The following ABTB3 variants were observed in gnomAD, a reference collection of about 807,000 sequenced individuals.
ABTB3 encodes ankyrin repeat- and BTB/POZ domain-containing protein 3.
At chr12:107,547,049 C>T in the ABTB3 span, among the ~76,000 whole-genome samples, 1 of 152,066 alleles carries the variant, frequency 6.6e-6, no homozygotes, top group Non-Finnish European at 1.5e-5. Flanking sequence ...CAAAAATTAG[C>T]TGGGTGTGGT....
At chr12:107,323,464 C>G in the ABTB3 span, among the ~76,000 whole-genome samples, 1 of 152,212 alleles carries the variant, frequency 6.6e-6, no homozygotes, top group African/African-American at 2.4e-5. Flanking sequence ...CATGGGTTTG[C>G]TGTGGGCATG....
the ABTB3 span, among the ~76,000 whole-genome samples, chr12:107,607,371 G>T: frequency 2.0e-5 from 3 of 152,320 alleles, no homozygotes; most frequent in East Asian, 5.8e-4. Context: ...GCCATAGACT[G>T]AAGTCAGGCT....
At chr12:107,588,424 G>A in the ABTB3 span, among the ~76,000 whole-genome samples, 1 of 152,220 alleles carries the variant, frequency 6.6e-6, no homozygotes. Flanking sequence ...GAAGTTTCTA[G>A]CATGGGAGAG....
chr12:107,634,462 GTAACC>G, the ABTB3 span, among the ~76,000 whole-genome samples: 6 of 152,126 alleles, frequency 3.9e-5, no homozygotes, highest in African/African-American at 1.2e-4. Flanking sequence ...AAACTGTGTT[GTAACC>G]TACTTTTCTT....
chr12:107,451,792 C>G, the ABTB3 span, among the ~76,000 whole-genome samples: 1 of 152,122 alleles, frequency 6.6e-6, no homozygotes, highest in Non-Finnish European at 1.5e-5. Flanking sequence ...TCCCGTTTGC[C>G]CTTTGAGACA....
the ABTB3 span, among the ~76,000 whole-genome samples, chr12:107,500,474 GAT>G: frequency 6.6e-6 from 1 of 152,180 alleles, no homozygotes; most frequent in Admixed American, 6.5e-5. Context: ...TGCTGGTCAT[GAT>G]TAGTGCAGCG....
the ABTB3 span, among the ~76,000 whole-genome samples, chr12:107,560,995 G>A: frequency 3.9e-5 from 6 of 152,290 alleles, no homozygotes; most frequent in Admixed American, 6.5e-5. Flanking sequence ...TGAGGAATTC[G>A]GTCAAGAGTT....
the ABTB3 span, among the ~76,000 whole-genome samples, chr12:107,563,036 G>A: frequency 1.3e-5 from 2 of 152,158 alleles, no homozygotes; most frequent in Admixed American, 6.5e-5. Flanking sequence ...AAGTCTTTGA[G>A]GGTCACTGGG....
chr12:107,470,607 T>C, the ABTB3 span, among the ~76,000 whole-genome samples: 1 of 152,162 alleles, frequency 6.6e-6, no homozygotes, highest in South Asian at 2.1e-4. Context: ...TGCTCCCAAC[T>C]TGTCACTCGG....
At chr12:107,552,027 C>T in the ABTB3 span, among the ~76,000 whole-genome samples, 2 of 152,224 alleles carry the variant, frequency 1.3e-5, no homozygotes, top group Non-Finnish European at 2.9e-5. Flanking sequence ...GCTGGGATTA[C>T]AGGCGTGAGC....
the ABTB3 span, among the ~76,000 whole-genome samples, chr12:107,549,309 T>C: frequency 6.6e-6 from 1 of 152,276 alleles, no homozygotes; most frequent in Admixed American, 6.5e-5. Context: ...ATACTCACTC[T>C]ACCAAAAGCT....
At chr12:107,354,057 G>A in the ABTB3 span, among the ~76,000 whole-genome samples, 175 of 152,172 alleles carry the variant, frequency 1.2e-3, no homozygotes, top group African/African-American at 4.0e-3. Flanking sequence ...GTACAGTTCT[G>A]AGTTTTGACA....
the ABTB3 span, among the ~76,000 whole-genome samples, chr12:107,343,818 C>A: frequency 3.3e-5 from 5 of 152,024 alleles, no homozygotes; most frequent in Admixed American, 3.3e-4. Flanking sequence ...GAAGTGTGAG[C>A]GCAGGAAAAA....
the ABTB3 span, among the ~76,000 whole-genome samples, chr12:107,432,329 T>C: frequency 1.3e-5 from 2 of 152,206 alleles, no homozygotes; most frequent in African/African-American, 4.8e-5. Flanking sequence ...TGATTTTGTG[T>C]AAAGACACTG....
At chr12:107,604,886 T>C in the ABTB3 span, among the ~76,000 whole-genome samples, 1 of 152,008 alleles carries the variant, frequency 6.6e-6, no homozygotes, top group African/African-American at 2.4e-5. Context: ...GATGAATGGA[T>C]AAAGAAAATG....
the ABTB3 span, among the ~76,000 whole-genome samples, chr12:107,329,460 G>A: frequency 2.0e-5 from 3 of 152,224 alleles, no homozygotes; most frequent in Non-Finnish European, 4.4e-5. Flanking sequence ...CACATCATAA[G>A]TACTCAATAT....
chr12:107,495,701 G>T, the ABTB3 span, among the ~76,000 whole-genome samples: 8 of 152,112 alleles, frequency 5.3e-5, no homozygotes, highest in African/African-American at 9.7e-5. Context: ...TGCCTCTTGG[G>T]GTATGGTGAG....
chr12:107,582,948 T>A, the ABTB3 span, among the ~76,000 whole-genome samples: 1 of 152,338 alleles, frequency 6.6e-6, no homozygotes, highest in South Asian at 2.1e-4. Context: ...TAATGCTAAC[T>A]GACAAAGCAT....
chr12:107,507,018 A>G, the ABTB3 span, among the ~76,000 whole-genome samples: 1 of 152,196 alleles, frequency 6.6e-6, no homozygotes, highest in African/African-American at 2.4e-5. Flanking sequence ...TGTGATTCAT[A>G]TTTTGAAAAT....
Sources: allele counts gnomAD v4.1 joint callset (sites outside exome capture counted in the v4.1 genomes callset), GRCh38; gene constraint gnomAD v4.1.1; transcripts MANE v1.5; gene names NCBI Gene and HGNC (gene_info 2026-07-23, HGNC 2026-07-21).